Variants in TENM2 observed in about 807,000 individuals in gnomAD.
TENM2 encodes the protein teneurin-2.
Under a neutral mutation model 245.2 loss-of-function variants are expected in TENM2, and 52 were observed. The observed-to-expected ratio is 0.21, with a 90% CI of 0.17 to 0.27. The LOEUF (loss-of-function observed/expected upper bound fraction) is 0.27, where lower values mean the gene tolerates loss of function less well. TENM2 is among the 10% of genes least tolerant of loss of function. TENM2 has a pLI of 1.00. For synonymous variants in TENM2, 1,363 were observed against 1,438.9 expected, an observed-to-expected ratio of 0.95 and a Z score of 1.19; for missense variants, 3,046 against 3,666.8, an observed-to-expected ratio of 0.83 and a Z score of 4.37.
intron 27 of TENM2, among the ~76,000 whole-genome samples, chr5:168,254,951 G>A (rs1437614086): frequency 6.6e-6 from 1 of 152,022 alleles, no homozygotes; most frequent in Non-Finnish European, 1.5e-5. Flanking sequence ...AGAAGCTGAG[G>A]CAGGAGAATC....
At chr5:167,764,172 C>G (rs896694526) in intron 2 of TENM2, among the ~76,000 whole-genome samples, 1 of 152,082 alleles carries the variant, frequency 6.6e-6, no homozygotes, top group East Asian at 1.9e-4. Flanking sequence ...ATTTGGGAGA[C>G]TGCTGAGTCT....
chr5:167,947,956 G>T (rs1377502853), intron 3 of TENM2, among the ~76,000 whole-genome samples: 1 of 152,094 alleles, frequency 6.6e-6, no homozygotes, highest in Non-Finnish European at 1.5e-5. Flanking sequence ...GGTTTAATTT[G>T]TCTCTGCTTT....
At chr5:167,662,802 C>T (rs1179868347) in intron 2 of TENM2, among the ~76,000 whole-genome samples, 3 of 152,142 alleles carry the variant, frequency 2.0e-5, no homozygotes, top group African/African-American at 7.2e-5. Context: ...CGAACACCAC[C>T]ATCAGCATCA....
intron 25 of TENM2, among the ~76,000 whole-genome samples, chr5:168,242,524 A>C (rs2152682123): frequency 6.6e-6 from 1 of 152,226 alleles, no homozygotes; most frequent in African/African-American, 2.4e-5. Flanking sequence ...GACCTTGAGC[A>C]AGTTTTGTAA....
At chr5:168,070,326 A>G (rs891046753) in intron 7 of TENM2, among the ~76,000 whole-genome samples, 1 of 152,198 alleles carries the variant, frequency 6.6e-6, no homozygotes, top group Non-Finnish European at 1.5e-5. Context: ...TCCTTTTCCA[A>G]GATAAAGTTC....
At chr5:168,168,972 T>TGG (rs1758554573) in intron 13 of TENM2, among the ~76,000 whole-genome samples, 1 of 152,160 alleles carries the variant, frequency 6.6e-6, no homozygotes, top group African/African-American at 2.4e-5. Flanking sequence ...AAAGCAAACA[T>TGG]GACATATGTC....
chr5:167,391,958 T>C (rs937909647), intron 2 of TENM2, among the ~76,000 whole-genome samples: 1 of 151,984 alleles, frequency 6.6e-6, no homozygotes, highest in African/African-American at 2.4e-5. Flanking sequence ...AAACTCTGAG[T>C]AGTCCTTAAG....
intron 2 of TENM2, among the ~76,000 whole-genome samples, chr5:167,477,026 A>G (rs951381768): frequency 8.5e-5 from 13 of 152,214 alleles, no homozygotes; most frequent in African/African-American, 1.9e-4. Flanking sequence ...TTCCATAAAA[A>G]AAGTGATGGT....
At chr5:167,406,323 A>T (rs969250757) in intron 2 of TENM2, among the ~76,000 whole-genome samples, 10 of 152,296 alleles carry the variant, frequency 6.6e-5, no homozygotes, top group African/African-American at 2.4e-4. Flanking sequence ...CACCCTGTGG[A>T]AATTGTATTA....
chr5:167,586,449 A>G (rs17068780), intron 2 of TENM2, among the ~76,000 whole-genome samples: 2,162 of 152,288 alleles, frequency 0.014, 114 homozygotes, highest in Admixed American at 0.094. Flanking sequence ...AATGATTTCA[A>G]TGTATAACTG....
intron 1 of TENM2, among the ~76,000 whole-genome samples, chr5:167,322,640 A>G (rs1756836876): frequency 6.6e-6 from 1 of 152,134 alleles, no homozygotes. Context: ...CTTAAAGGTG[A>G]AAATAAACAT....
At chr5:167,974,628 T>A (rs1376040206) in intron 4 of TENM2, among the ~76,000 whole-genome samples, 1 of 152,198 alleles carries the variant, frequency 6.6e-6, no homozygotes, top group South Asian at 2.1e-4. Context: ...AGAAATACTT[T>A]CCATCATTTT....
intron 12 of TENM2, among the ~76,000 whole-genome samples, chr5:168,156,300 A>G (rs4580796): frequency 0.81 from 116,736 of 144,704 alleles, 47,707 homozygotes; most frequent in African/African-American, 0.95. Flanking sequence ...TTAACTTAGG[A>G]TGTAAGTTCT....
chr5:168,021,075 G>A (rs148512161), intron 5 of TENM2, among the ~76,000 whole-genome samples: 45 of 152,294 alleles, frequency 3.0e-4, no homozygotes, highest in Middle Eastern at 3.4e-3. Flanking sequence ...GCTAGGAATC[G>A]TTTGTGGCAC....
chr5:168,253,618 G>C (rs1040256727), intron 27 of TENM2, among the ~76,000 whole-genome samples: 4 of 151,762 alleles, frequency 2.6e-5, no homozygotes, highest in Admixed American at 6.6e-5. Flanking sequence ...GTAGAGACGG[G>C]GTTTCACCGT....
intron 4 of TENM2, among the ~76,000 whole-genome samples, chr5:167,984,850 T>C (rs563604335): frequency 6.6e-6 from 1 of 152,276 alleles, no homozygotes; most frequent in Admixed American, 6.5e-5. Context: ...CTTCTGTTTT[T>C]GCTTTCTCTC....
the TENM2 span, among the ~76,000 whole-genome samples, chr5:167,181,466 T>TGGTGTGTG: frequency 7.3e-5 from 9 of 122,600 alleles, no homozygotes; most frequent in African/African-American, 3.0e-4. Context: ...AGCCGCTCGT[T>TGGTGTGTG]TGTGTGTGTG....
In TENM2 at chr5:167,650,168, A is replaced by G. The variant is rs1304870291; in HGVS notation, c.503-225818A>G. Reference sequence around the variant, plus strand: ...AATAAGCTGCATTCCCTGGGTCTCAATATCTTTAGTCTTCTATAGGAAACT... The same window carrying G: ...AATAAGCTGCATTCCCTGGGTCTCAGTATCTTTAGTCTTCTATAGGAAACT... On this transcript the variant is annotated intron_variant, in intron 2 of 28. Coordinates refer to ENST00000518659, the Ensembl canonical transcript of TENM2. Among the ~76,000 whole-genome samples, 6 of 152,308 alleles carry G rather than the reference A, an allele frequency of 3.9e-5. No individual in the cohort carries two copies. In the East Asian group the frequency reaches 1.2e-3, roughly 29 times the overall value.
chr5:167,536,725 T>A (rs948702517), intron 2 of TENM2, among the ~76,000 whole-genome samples: 1 of 152,090 alleles, frequency 6.6e-6, no homozygotes, highest in Non-Finnish European at 1.5e-5. Flanking sequence ...AGTTCAAGAT[T>A]AGATGTCCAG....
Sources: gnomAD v4.1 joint callset for allele counts (sites outside exome capture counted in the v4.1 genomes callset) on GRCh38, gnomAD v4.1.1 for gene constraint, MANE v1.5 for transcripts, NCBI Gene and HGNC (gene_info 2026-07-23, HGNC 2026-07-21) for gene names.